Variants in SLC4A4 observed in about 807,000 individuals in gnomAD.
SLC4A4 encodes the protein electrogenic sodium bicarbonate cotransporter 1.
A neutral mutation model predicts 111.5 loss-of-function variants in SLC4A4; 27 were observed. The observed-to-expected ratio is 0.24, with a 90% CI of 0.18 to 0.33. The LOEUF is 0.33. Among genes scored for constraint, SLC4A4 ranks in the 10% least tolerant of loss-of-function variants. SLC4A4 has a pLI of 1.00. For missense variants in SLC4A4, 909 were observed against 1,315.5 expected (o/e 0.69, Z 4.78); for synonymous variants, 443 against 463.4 (o/e 0.96, Z 0.57).
chr4:71,162,499 C>A (rs1428645094), intron 2 of SLC4A4, among the ~76,000 whole-genome samples: 1 of 152,192 alleles, frequency 6.6e-6, no homozygotes, highest in Non-Finnish European at 1.5e-5. Flanking sequence ...GCCTAAGCAG[C>A]AGAACTCCTA....
chr4:71,203,417 T>C (rs2149004862), intron 1 of SLC4A4, among the ~76,000 whole-genome samples: 1 of 152,316 alleles, frequency 6.6e-6, no homozygotes, highest in Admixed American at 6.5e-5. Context: ...TTATGTATTG[T>C]GTCCAAAATG....
intron 9 of SLC4A4, among the ~76,000 whole-genome samples, chr4:71,448,056 A>G (rs1725393720): frequency 6.6e-6 from 1 of 152,202 alleles, no homozygotes. Flanking sequence ...ATGGTGGCTC[A>G]CGCCTGTAAT....
chr4:71,366,898 G>GT (rs1206094632), intron 6 of SLC4A4, among the ~76,000 whole-genome samples: 3 of 152,216 alleles, frequency 2.0e-5, no homozygotes, highest in Non-Finnish European at 2.9e-5. Flanking sequence ...ATTTGCCAAT[G>GT]TAAGTAATGG....
intron 1 of SLC4A4, among the ~76,000 whole-genome samples, chr4:71,195,935 T>C (rs1269943640): frequency 6.6e-6 from 1 of 152,256 alleles, no homozygotes; most frequent in African/African-American, 2.4e-5. Context: ...TTGCACCTTC[T>C]ACCCCAGAAG....
chr4:71,180,290 G>T (rs892015908), intron 2 of SLC4A4, among the ~76,000 whole-genome samples: 5 of 152,114 alleles, frequency 3.3e-5, no homozygotes, highest in African/African-American at 7.2e-5. Context: ...CATAGGCATG[G>T]GTAAGGACTT....
chr4:71,197,573 G>A (rs1266382038), intron 1 of SLC4A4, among the ~76,000 whole-genome samples: 1 of 152,090 alleles, frequency 6.6e-6, no homozygotes, highest in Non-Finnish European at 1.5e-5. Context: ...GAGTTTTTCT[G>A]TATGCTTTAC....
At chr4:71,152,984 T>C (rs187190246) in intron 2 of SLC4A4, among the ~76,000 whole-genome samples, 241 of 145,136 alleles carry the variant, frequency 1.7e-3, no homozygotes, top group African/African-American at 6.1e-3. Flanking sequence ...TGTAAATATA[T>C]ATGTGTATAT....
intron 2 of SLC4A4, among the ~76,000 whole-genome samples, chr4:71,135,388 C>T (rs773002287): frequency 4.0e-5 from 6 of 151,446 alleles, no homozygotes; most frequent in South Asian, 2.1e-4. Context: ...CTCAGCCTCC[C>T]GGGTTCAAGA....
chr4:71,225,178 C>A (rs976528269), intron 1 of SLC4A4, among the ~76,000 whole-genome samples: 1 of 152,016 alleles, frequency 6.6e-6, no homozygotes, highest in African/African-American at 2.4e-5. Context: ...ATGGTGAAAC[C>A]CCATCTCTAC....
intron 1 of SLC4A4, among the ~76,000 whole-genome samples, chr4:71,077,491 ATCTCGT>A (rs1419398478): frequency 2.0e-5 from 3 of 152,138 alleles, no homozygotes; most frequent in Non-Finnish European, 4.4e-5. Flanking sequence ...ATTGGTTTCT[ATCTCGT>A]TCTACCTATC....
chr4:71,292,646 A>G (rs1560383812), intron 3 of SLC4A4, among the ~76,000 whole-genome samples: 1 of 152,106 alleles, frequency 6.6e-6, no homozygotes, highest in Non-Finnish European at 1.5e-5. Flanking sequence ...ATACCTGACT[A>G]TGATATTCAC....
At chr4:71,308,457 C>T (rs774782162) in intron 3 of SLC4A4, among the ~76,000 whole-genome samples, 14 of 152,122 alleles carry the variant, frequency 9.2e-5, no homozygotes, top group Non-Finnish European at 1.9e-4. Context: ...GGAAGAGCTC[C>T]AGTCTGTAGC....
intron 1 of SLC4A4, among the ~76,000 whole-genome samples, chr4:71,206,096 A>G (rs945881191): frequency 2.0e-5 from 3 of 152,204 alleles, no homozygotes; most frequent in Non-Finnish European, 4.4e-5. Flanking sequence ...TCCATAAGCA[A>G]AGTAGTTATT....
chr4:71,344,143 T>A (rs1376464192), intron 4 of SLC4A4, among the ~76,000 whole-genome samples: 1 of 152,118 alleles, frequency 6.6e-6, no homozygotes, highest in Non-Finnish European at 1.5e-5. Context: ...AGGGCAGAAA[T>A]TTTCAGTTGT....
chr4:71,531,845 G>T (rs1211837441), intron 16 of SLC4A4, among the ~76,000 whole-genome samples: 1 of 150,608 alleles, frequency 6.6e-6, no homozygotes, highest in African/African-American at 2.4e-5. Flanking sequence ...AGCGCAACCT[G>T]TTCTTTGGGA....
chr4:71,546,463 C>T lies in SLC4A4; in HGVS notation c.2556C>T (p.Ile852=), dbSNP rs112375238. 1.7e-5 allele frequency: 27 copies of T among 1,612,540 alleles called. No individual in the cohort carries two copies. In the Admixed American group the frequency reaches 3.0e-4, roughly 18 times the overall value. ...CTACGGTCATCTCCATTGCTCACAT[C>T]GACAGTTTGAAGATGGAGACAGAGA... ...VAATVISIAH[I]DSLKMETETS... The change falls in exon 19 of 26, where the codon ATC becomes ATT. Residue 852 remains isoleucine (I), a synonymous_variant. Transcript: ENST00000264485.
chr4:71,397,892 G>A (rs113920201), intron 7 of SLC4A4, among the ~76,000 whole-genome samples: 2,715 of 152,254 alleles, frequency 0.018, 41 homozygotes, highest in Non-Finnish European at 0.027. Context: ...AAATCTTAAA[G>A]CAATAGTTGT....
intron 3 of SLC4A4, among the ~76,000 whole-genome samples, chr4:71,307,331 G>C (rs950329635): frequency 2.6e-5 from 4 of 152,160 alleles, no homozygotes; most frequent in Non-Finnish European, 2.9e-5. Context: ...GCCTCACTGA[G>C]ACTCAGACCT....
intron 2 of SLC4A4, among the ~76,000 whole-genome samples, chr4:71,136,681 A>G (rs933145448): frequency 3.3e-5 from 5 of 152,206 alleles, no homozygotes; most frequent in African/African-American, 1.2e-4. Context: ...AAGTTACATA[A>G]TCTCTTGGAT....
Sources: allele counts gnomAD v4.1 joint callset (sites outside exome capture counted in the v4.1 genomes callset), GRCh38; gene constraint gnomAD v4.1.1; transcripts MANE v1.5; gene names NCBI Gene and HGNC (gene_info 2026-07-23, HGNC 2026-07-21).